TAF15: variants seen among roughly 807,000 people sequenced by gnomAD.
TAF15 encodes TATA-box binding protein associated factor 15.
A neutral mutation model predicts 102.5 loss-of-function variants in TAF15; 37 were observed. The observed-to-expected ratio is 0.36, with a 90% CI of 0.28 to 0.47. TAF15 has a LOEUF of 0.47. Among genes scored for constraint, TAF15 ranks in the 20% least tolerant of loss-of-function variants. The pLI, the probability that TAF15 is intolerant of heterozygous loss-of-function variation, is 0.99. For synonymous variants in TAF15, 273 were observed against 259.2 expected (o/e 1.05, Z -0.51); for missense variants, 652 against 760.7 (o/e 0.86, Z 1.68).
At position 35,820,216 on chromosome 17, in the gene TAF15, G is replaced by A; in HGVS notation, c.152G>A (p.Ser51Asn). 1 of 1,614,102 alleles carries A rather than the reference G, an allele frequency of 6.2e-7. No homozygotes were observed. The highest frequency in any genetic ancestry group is 8.5e-7 in the Non-Finnish European group (1 of 1,179,958). Residue 51 changes from serine (S) to asparagine (N), a missense_variant, in exon 4 of 16, where the codon AGC (serine) becomes AAC (asparagine). Ser to Asn is a conservative substitution (Grantham distance 46). This residue lies in a region of TAF15 where 243 missense variants were observed against 284.1 expected (regional missense o/e 0.86). Transcript: ENST00000605844. Reference sequence around the variant, plus strand: ...GATTCCTCTTATGGACAGAACTACAGCGGTTACTCCAGTTATGGACAAAGT... The same window carrying A: ...GATTCCTCTTATGGACAGAACTACAACGGTTACTCCAGTTATGGACAAAGT... ...TTDSSYGQNY[S>N]GYSSYGQSQS...
chr17:35,838,335 T>C, intron 10 of TAF15, 89 bp from the exon 11 acceptor site: 1 of 1,560,580 alleles, frequency 6.4e-7, no homozygotes, highest in Non-Finnish European at 8.7e-7. Context: ...GTGAATTCCT[T>C]GTAAAAAAAA....
intron 1 of TAF15, chr17:35,810,637 T>C (rs998463333): frequency 6.6e-6 from 1 of 152,176 alleles, no homozygotes; most frequent in Non-Finnish European, 1.5e-5. Flanking sequence ...ACCGTGTGGT[T>C]GAGGTGAAAC....
intron 7 of TAF15, among the ~76,000 whole-genome samples, chr17:35,824,644 A>T (rs1178515813): frequency 6.6e-6 from 1 of 152,214 alleles, no homozygotes; most frequent in African/African-American, 2.4e-5. Flanking sequence ...AATGGAGTAG[A>T]AAGGTGGGGA....
chr17:35,813,752 A>G (rs1418712502), intron 1 of TAF15, among the ~76,000 whole-genome samples: 1 of 152,096 alleles, frequency 6.6e-6, no homozygotes, highest in East Asian at 1.9e-4. Context: ...TTGATTTCCA[A>G]AGTAAATGAA....
chr17:35,811,873 G>C (rs1005870389), intron 1 of TAF15, among the ~76,000 whole-genome samples: 1 of 152,154 alleles, frequency 6.6e-6, no homozygotes, highest in African/African-American at 2.4e-5. Context: ...CGATTAACTT[G>C]AAAATCTATC....
chr17:35,827,355 GT>G (rs2087343533), intron 7 of TAF15, among the ~76,000 whole-genome samples: 1 of 150,320 alleles, frequency 6.7e-6, no homozygotes, highest in Admixed American at 6.6e-5. Context: ...AAAAAAAATA[GT>G]TCTTTTGGGG....
intron 11 of TAF15, among the ~76,000 whole-genome samples, chr17:35,839,957 G>A (rs987145424): frequency 2.0e-5 from 3 of 152,038 alleles, no homozygotes; most frequent in Admixed American, 6.6e-5. Context: ...TATGAGCTAA[G>A]CACAACTTTA....
At chr17:35,835,753 A>G (rs1375287450) in intron 9 of TAF15, among the ~76,000 whole-genome samples, 2 of 152,274 alleles carry the variant, frequency 1.3e-5, no homozygotes, top group Non-Finnish European at 2.9e-5. Flanking sequence ...GTACTAGAGA[A>G]TCTTAAAAAT....
At chr17:35,814,320 C>A (rs2087166600) in intron 1 of TAF15, among the ~76,000 whole-genome samples, 1 of 152,012 alleles carries the variant, frequency 6.6e-6, no homozygotes, top group Admixed American at 6.6e-5. Flanking sequence ...TGCCCACCAC[C>A]ACCACGTCCG....
In TAF15 at chr17:35,842,519, A is replaced by C. The variant is rs2087560606; in HGVS notation, c.1006+60A>C. On this transcript the variant is annotated intron_variant, in intron 12 of 15. Coordinates refer to ENST00000605844, the MANE Select transcript of TAF15 (RefSeq NM_139215.3). The stretch of plus-strand genomic sequence containing the variant: ...TCCAAGGGTTTAAGTTTGAGTTCAT[A>C]CTCTGTTTCTATTTGTGTGAACTTG... The C allele has an allele frequency of 3.7e-6, 5 of 1,333,596 alleles. No individual in the cohort carries two copies. The South Asian group carries it at 6.0e-5, about 16-fold the overall frequency. The allele number at this position is 1,333,596 out of a possible 1,614,324, so 82.6% of individuals were successfully genotyped here.
intron 1 of TAF15, among the ~76,000 whole-genome samples, chr17:35,815,742 G>A (rs915662645): frequency 1.3e-5 from 2 of 152,024 alleles, no homozygotes; most frequent in Admixed American, 6.6e-5. Context: ...TTTGATTTGG[G>A]ATAATCTGAT....
intron 9 of TAF15, among the ~76,000 whole-genome samples, chr17:35,835,808 A>G (rs1244779207): frequency 6.6e-6 from 1 of 152,250 alleles, no homozygotes; most frequent in East Asian, 1.9e-4. Flanking sequence ...AGAAATGCTA[A>G]ACTAACTCCA....
At position 35,820,149 on chromosome 17, in the gene TAF15, T is replaced by C; in HGVS notation, c.100-15T>C. 1.2e-6 allele frequency: 2 copies of C among 1,613,904 alleles called. No individual in the cohort carries two copies. The highest frequency in any genetic ancestry group is 1.7e-6 in the Non-Finnish European group (2 of 1,179,760). ...TAAGTAGGTGATGAAACTTGAGTAT[T>C]TACCTAAATTTCAGAGCTATTCTGG... On this transcript the variant is annotated splice_polypyrimidine_tract_variant and intron_variant, in intron 3 of 15. Coordinates refer to ENST00000605844, the MANE Select transcript of TAF15 (RefSeq NM_139215.3).
At chr17:35,826,049 A>AGG (rs1262282193) in intron 7 of TAF15, among the ~76,000 whole-genome samples, 3 of 152,168 alleles carry the variant, frequency 2.0e-5, no homozygotes, top group Non-Finnish European at 2.9e-5. Flanking sequence ...CTGACAAAGG[A>AGG]GGGAAGCAGT....
chr17:35,820,464 T>C (rs1392020213), intron 5 of TAF15, 27 bp downstream of exon 5: 1 of 1,596,832 alleles, frequency 6.3e-7, no homozygotes, highest in Non-Finnish European at 8.6e-7. Flanking sequence ...ATACTGAGAT[T>C]GTTTTGGGCA....
In TAF15 at chr17:35,847,002, T is replaced by C; in HGVS notation, c.*57T>C. On this transcript the variant is annotated 3_prime_UTR_variant, in exon 16 of 16. Transcript: ENST00000605844. ...ATGATCCATAGTGAAATTGCCAGAG[T>C]TTTGCCTGCTGCTTTCCTCGTGGCC... is the stretch of plus-strand genomic sequence containing the variant. The C allele has an allele frequency of 6.3e-7, 1 of 1,597,438 alleles. No homozygotes were observed. The highest frequency in any genetic ancestry group is 1.1e-5 in the South Asian group (1 of 90,728).
At chr17:35,818,998 G>T (rs1257311829) in intron 2 of TAF15, among the ~76,000 whole-genome samples, 2 of 152,124 alleles carry the variant, frequency 1.3e-5, no homozygotes, top group Admixed American at 1.3e-4. Flanking sequence ...CTATTTTTAT[G>T]TGAGTGTATA....
At chr17:35,843,640 T>C (rs193104759) in intron 12 of TAF15, among the ~76,000 whole-genome samples, 8 of 152,300 alleles carry the variant, frequency 5.3e-5, no homozygotes, top group Middle Eastern at 3.4e-3. Flanking sequence ...AATCCAAAAC[T>C]TTGAGCACCG....
intron 6 of TAF15, chr17:35,823,761 A>C (rs2087293029): frequency 2.9e-6 from 1 of 345,042 alleles, no homozygotes; most frequent in African/African-American, 2.1e-5. Context: ...TAAGTTACTA[A>C]GGTTCTTGTA....
Sources: gnomAD v4.1 joint callset for allele counts (sites outside exome capture counted in the v4.1 genomes callset) on GRCh38, gnomAD v4.1.1 for gene constraint, gnomAD v4.1.1 regional missense constraint, MANE v1.5 for transcripts, NCBI Gene and HGNC (gene_info 2026-07-23, HGNC 2026-07-21) for gene names.